TMEM235: variants seen among roughly 807,000 people sequenced by gnomAD.
TMEM235 encodes the protein transmembrane protein 235.
In TMEM235, 23 loss-of-function variants were observed where a neutral mutation model predicts 22.9. That is an observed-to-expected ratio of 1.00 (90% CI 0.72 to 1.42). The LOEUF (loss-of-function observed/expected upper bound fraction) is 1.42, where lower values mean the gene tolerates loss of function less well. Ranked by LOEUF, TMEM235 falls within the 40% of genes most tolerant of loss-of-function variation. TMEM235 has a pLI of 0.00. For missense variants in TMEM235, 308 were observed against 299.5 expected, an observed-to-expected ratio of 1.03 and a Z score of -0.21; for synonymous variants, 137 against 140.5, an observed-to-expected ratio of 0.98 and a Z score of 0.17.
At chr17:78,239,851 AGGCCAAGGCCTC>A (rs1347951722) in exon 6 of TMEM235, 1 of 1,551,464 alleles carries the variant, frequency 6.4e-7, no homozygotes, top group South Asian at 1.2e-5. Context: ...ATGCCGTCTC[AGGCCAAGGCCTC>A]CCTGGCCTCT....
At chr17:78,236,442 T>C (rs12947378) in intron 4 of TMEM235, among the ~76,000 whole-genome samples, 97,981 of 152,058 alleles carry the variant, frequency 0.64, 31,821 homozygotes, top group Middle Eastern at 0.77. Context: ...GCTCCAGCTC[T>C]GACTACATGC....
exon 6 of TMEM235, chr17:78,240,127 C>A: frequency 8.7e-6 from 11 of 1,267,582 alleles, no homozygotes; most frequent in Non-Finnish European, 1.0e-5. Context: ...TTCCTCTCTG[C>A]AGCAACCCGG....
In TMEM235 at chr17:78,232,493, G is replaced by A. The variant is rs373150795; in HGVS notation, c.190+280G>A. On this transcript the variant is annotated intron_variant, in intron 2 of 5. Transcript: ENST00000421688. ...CGACAGTGGGGGAGGGAAGCCTAGA[G>A]GTGTGTAGTTGGGGGGCCTCATCCA... is the stretch of plus-strand genomic sequence containing the variant. 2.6e-5 allele frequency among the ~76,000 whole-genome samples: 4 copies of A among 152,312 alleles called. No homozygotes were observed. In the South Asian group the frequency reaches 8.3e-4, roughly 32 times the overall value.
intron 4 of TMEM235, among the ~76,000 whole-genome samples, chr17:78,236,268 TCTC>T (rs143553566): frequency 0.087 from 13,281 of 152,042 alleles, 827 homozygotes; most frequent in Middle Eastern, 0.2. Context: ...ACCACACCCT[TCTC>T]CTTCCTGTAC....
chr17:78,234,006 C>T (rs1567873286), intron 3 of TMEM235, 31 bp downstream of exon 2: 2 of 1,487,110 alleles, frequency 1.3e-6, no homozygotes, highest in Non-Finnish European at 1.8e-6. Context: ...CCTCCCCATC[C>T]TTTCCAAATA....
chr17:78,234,223 G>A, intron 3 of TMEM235: 1 of 696,428 alleles, frequency 1.4e-6, no homozygotes, highest in Non-Finnish European at 2.6e-6. Flanking sequence ...CTTTGTTATT[G>A]GGGAAGCCAG....
intron 2 of TMEM235, 58 bp from the exon 2 acceptor site, chr17:78,233,837 A>C: frequency 6.7e-7 from 1 of 1,496,348 alleles, no homozygotes; most frequent in Admixed American, 2.0e-5. Context: ...GGGCTCGGGT[A>C]GGCTGCTGGG....
chr17:78,231,488 G>T (rs773083196), exon 2 of TMEM235: 24 of 1,303,662 alleles, frequency 1.8e-5, no homozygotes, highest in Non-Finnish European at 2.3e-5. Flanking sequence ...CGTCTGGTTG[G>T]TCCTCAGGAC....
intron 4 of TMEM235, among the ~76,000 whole-genome samples, chr17:78,236,084 C>G (rs1239053833): frequency 6.6e-6 from 1 of 152,198 alleles, no homozygotes; most frequent in Non-Finnish European, 1.5e-5. Flanking sequence ...GCCGGGACAC[C>G]AAACCCTAGC....
At chr17:78,240,223 GC>G in exon 6 of TMEM235, 1 of 477,554 alleles carries the variant, frequency 2.1e-6, no homozygotes, top group Non-Finnish European at 3.3e-6. Context: ...GGGGTGTCAT[GC>G]CATGGTGGAG....
Position 78,234,746 on chromosome 17 carries a change from T to TG in TMEM235, c.409+21dup. 1 of 1,535,952 alleles carries TG rather than the reference T, an allele frequency of 6.5e-7. No individual in the cohort carries two copies. Among genetic ancestry groups the TG allele is most frequent in the Non-Finnish European group, 8.7e-7 (1 of 1,146,792 alleles). ...CTGCTGGGGAGTGAGTCTGGGGCCC[T>TG]GGGGGAATGGCTCCAAAGATGGGAG... is the stretch of plus-strand genomic sequence containing the variant. On this transcript the variant is annotated intron_variant, in intron 4 of 5. Transcript: ENST00000421688.
At chr17:78,234,330 G>A (rs1305966995) in intron 3 of TMEM235, 1 of 700,204 alleles carries the variant, frequency 1.4e-6, no homozygotes, top group Non-Finnish European at 2.6e-6. Context: ...CTACCTGGCT[G>A]GCACCTTCCA....
At chr17:78,232,252 C>G in intron 2 of TMEM235, 39 bp downstream of exon 1, 12 of 1,416,538 alleles carry the variant, frequency 8.5e-6, no homozygotes, top group Non-Finnish European at 1.1e-5. Context: ...CCTCCGCGAC[C>G]TCGTCCCTCC....
chr17:78,236,450 T>TGCCGAGTGCTG (rs1406463113), intron 4 of TMEM235, among the ~76,000 whole-genome samples: 6 of 152,194 alleles, frequency 3.9e-5, no homozygotes, highest in Non-Finnish European at 8.8e-5. Context: ...TCTGACTACA[T>TGCCGAGTGCTG]GCCGAGTGCT....
At chr17:78,235,381 G>C (rs1567874193) in intron 4 of TMEM235, among the ~76,000 whole-genome samples, 1 of 151,944 alleles carries the variant, frequency 6.6e-6, no homozygotes, top group East Asian at 1.9e-4. Flanking sequence ...TCCGCATCCT[G>C]GGTTCGAGCA....
At chr17:78,240,600 G>A (rs1219777120) in exon 6 of TMEM235, 1 of 152,978 alleles carries the variant, frequency 6.5e-6, no homozygotes, top group Non-Finnish European at 1.5e-5. Context: ...CCCCGTTTGG[G>A]GTTTGGGGGC....
chr17:78,234,225 G>A (rs1322990787), intron 3 of TMEM235: 1 of 696,916 alleles, frequency 1.4e-6, no homozygotes, highest in South Asian at 1.5e-5. Context: ...TTGTTATTGG[G>A]GAAGCCAGGC....
At chr17:78,233,849 G>A (rs961107448) in intron 2 of TMEM235, 46 bp from the exon 2 acceptor site, 16 of 1,522,788 alleles carry the variant, frequency 1.1e-5, no homozygotes, top group Admixed American at 3.9e-5. Flanking sequence ...GCTGCTGGGT[G>A]CACCACAGCG....
exon 2 of TMEM235, chr17:78,231,820 G>C: frequency 8.3e-7 from 1 of 1,204,944 alleles, no homozygotes; most frequent in Non-Finnish European, 1.1e-6. Flanking sequence ...CGAGCTCAGC[G>C]ACCGCAGAGA....
Sources: gnomAD v4.1 joint callset for allele counts (sites outside exome capture counted in the v4.1 genomes callset) on GRCh38, gnomAD v4.1.1 for gene constraint, MANE v1.5 for transcripts, NCBI Gene and HGNC (gene_info 2026-07-23, HGNC 2026-07-21) for gene names.